Variants in EVA1C observed in about 807,000 individuals in gnomAD.
The protein encoded by EVA1C is eva-1 homolog C.
Under a neutral mutation model 45.4 loss-of-function variants are expected in EVA1C, and 25 were observed. The observed-to-expected ratio is 0.55, with a 90% CI of 0.40 to 0.77. The LOEUF (loss-of-function observed/expected upper bound fraction) is 0.77, where lower values mean the gene tolerates loss of function less well. EVA1C is among the 30% of genes least tolerant of loss of function. The probability of loss-of-function intolerance (pLI) is 0.00; values close to 1 mark genes in which losing one functional copy is unlikely to be tolerated. For synonymous variants in EVA1C, 190 were observed against 221.2 expected, an observed-to-expected ratio of 0.86 and a Z score of 1.25; for missense variants, 479 against 554.8, an observed-to-expected ratio of 0.86 and a Z score of 1.37.
chr21:32,515,310 C>T lies in EVA1C; in HGVS notation c.*120C>T, dbSNP rs1214892358. 33 of 1,116,786 alleles carry T rather than the reference C, an allele frequency of 3.0e-5. No individual in the cohort carries two copies. The South Asian group carries it at 3.9e-4, about 13-fold the overall frequency. The allele number at this position is 1,116,786 out of a possible 1,614,324, so 69.2% of individuals were successfully genotyped here. ...AGAATTCGTCATGTCATTCAACACT[C>T]GTGAGGCCAGGAAGCTATTAAAGGG... is the stretch of plus-strand genomic sequence containing the variant. On this transcript the variant is annotated 3_prime_UTR_variant, in exon 8 of 8. Coordinates refer to ENST00000300255, the MANE Select transcript of EVA1C (RefSeq NM_058187.5).
chr21:32,436,252 C>T (rs1242017704), intron 1 of EVA1C, among the ~76,000 whole-genome samples: 4 of 152,026 alleles, frequency 2.6e-5, no homozygotes, highest in African/African-American at 4.8e-5. Flanking sequence ...TTAATAGAGA[C>T]GGGGTTTCGC....
At position 32,469,008 on chromosome 21, in the gene EVA1C, G is replaced by A. The variant is rs374118471; in HGVS notation, c.634+1160G>A. Among the ~76,000 whole-genome samples, 138 of 152,290 alleles carry A rather than the reference G, an allele frequency of 9.1e-4. 2 individuals carry two copies. The South Asian group carries it at 0.025, about 28-fold the overall frequency. ...GGAAAGTCAAGGGCAGGGAGGAACC[G>A]CCACACCATGCACAGGCTCTTTCTC... On this transcript the variant is annotated intron_variant, in intron 4 of 7. Transcript: ENST00000300255.
chr21:32,499,440 C>G (rs1159583787), intron 5 of EVA1C, among the ~76,000 whole-genome samples: 2 of 152,192 alleles, frequency 1.3e-5, no homozygotes, highest in African/African-American at 2.4e-5. Context: ...CCACATCCAG[C>G]AACTTCACCG....
chr21:32,478,969 C>A (rs556482044), intron 4 of EVA1C, among the ~76,000 whole-genome samples: 8 of 152,234 alleles, frequency 5.3e-5, no homozygotes, highest in Admixed American at 5.2e-4. Context: ...GCCAAGACAG[C>A]GGCACTTAAG....
At chr21:32,457,977 T>G (rs1187965805) in intron 3 of EVA1C, among the ~76,000 whole-genome samples, 1 of 152,156 alleles carries the variant, frequency 6.6e-6, no homozygotes, top group African/African-American at 2.4e-5. Flanking sequence ...AAAAATCCTT[T>G]CCAATATGTA....
At chr21:32,502,952 T>C (rs866236772) in intron 6 of EVA1C, among the ~76,000 whole-genome samples, 1 of 151,960 alleles carries the variant, frequency 6.6e-6, no homozygotes, top group Non-Finnish European at 1.5e-5. Context: ...TCTAACAGGG[T>C]TCCCACCCGA....
chr21:32,441,134 T>TGACATACTGCTATATGAC (rs1227468910), intron 1 of EVA1C, among the ~76,000 whole-genome samples: 2 of 152,140 alleles, frequency 1.3e-5, no homozygotes, highest in African/African-American at 4.8e-5. Context: ...TCCTATATGA[T>TGACATACTGCTATATGAC]GACATACTGC....
At chr21:32,475,879 T>TTATCTATCTATCTATCTATC (rs10661334) in intron 4 of EVA1C, among the ~76,000 whole-genome samples, 32 of 100,536 alleles carry the variant, frequency 3.2e-4, no homozygotes, top group East Asian at 6.9e-4. Flanking sequence ...TCTAAAAACT[T>TTATCTATCTATCTATCTATC]TATCTATCTA....
At chr21:32,430,972 C>CAAAAAAAA (rs1038641892) in intron 1 of EVA1C, among the ~76,000 whole-genome samples, 1 of 103,104 alleles carries the variant, frequency 9.7e-6, no homozygotes, top group African/African-American at 5.4e-5. Flanking sequence ...GACTTGGTCT[C>CAAAAAAAA]AAAAAAAAAA....
rs9680226 is a variant in EVA1C at position 32,474,114 on chromosome 21, A to G, written c.634+6266A>G. Reference sequence around the variant, plus strand: ...GGCATGGTGGAGATGAAGTCTTGCTATTTTGCCCAGGCTGGTCTTCAACTC... The same window carrying G: ...GGCATGGTGGAGATGAAGTCTTGCTGTTTTGCCCAGGCTGGTCTTCAACTC... On this transcript the variant is annotated intron_variant, in intron 4 of 7. Transcript: ENST00000300255. The surrounding 1 kb of genome is among the most constrained non-coding windows in gnomAD (Gnocchi z 4.4). 83,818 of 238,826 alleles carry G rather than the reference A, an allele frequency of 0.35. 15,550 individuals are homozygous for G. Among genetic ancestry groups the G allele is most frequent in the East Asian group, 0.49 (2,702 of 5,470 alleles). 14.8% of individuals were successfully genotyped at this position (238,826 alleles called of 1,614,324 possible).
At chr21:32,457,844 G>A in intron 3 of EVA1C, 124 bp downstream of exon 3, 1 of 1,069,068 alleles carries the variant, frequency 9.4e-7, no homozygotes, top group South Asian at 1.5e-5. Context: ...AGACACATTG[G>A]GCTCCATCCT....
At chr21:32,425,844 C>G (rs552797779) in intron 1 of EVA1C, among the ~76,000 whole-genome samples, 1 of 152,190 alleles carries the variant, frequency 6.6e-6, no homozygotes, top group Non-Finnish European at 1.5e-5. Flanking sequence ...TCCAGGACAG[C>G]GCCCCCACAG....
At chr21:32,498,855 C>G (rs922350393) in intron 5 of EVA1C, among the ~76,000 whole-genome samples, 3 of 152,126 alleles carry the variant, frequency 2.0e-5, no homozygotes, top group African/African-American at 7.2e-5. Context: ...TGAAGTGGAG[C>G]AGGACGGTGA....
chr21:32,496,458 T>C (rs2037355438), intron 5 of EVA1C, among the ~76,000 whole-genome samples: 1 of 152,226 alleles, frequency 6.6e-6, no homozygotes, highest in Non-Finnish European at 1.5e-5. Flanking sequence ...ATAAATGTAT[T>C]ACCAAAATAA....
At chr21:32,494,929 A>C in intron 4 of EVA1C, 98 bp from the exon 5 acceptor site, 1 of 1,281,960 alleles carries the variant, frequency 7.8e-7, no homozygotes, top group Non-Finnish European at 1.1e-6. Context: ...TTTGATTTGA[A>C]TCCAGCTCAG....
intron 7 of EVA1C, among the ~76,000 whole-genome samples, chr21:32,507,873 G>A (rs950140553): frequency 6.6e-6 from 1 of 151,850 alleles, no homozygotes. Flanking sequence ...GTGCCGTCAT[G>A]TGTGTGCATG....
At chr21:32,438,747 G>C (rs994008968) in intron 1 of EVA1C, among the ~76,000 whole-genome samples, 4 of 152,150 alleles carry the variant, frequency 2.6e-5, no homozygotes, top group African/African-American at 9.7e-5. Flanking sequence ...GATTGTAGAT[G>C]CACCAATGAA....
At position 32,450,383 on chromosome 21, in the gene EVA1C, AT is replaced by A. The variant is rs3056328; in HGVS notation, c.161-2915del. 6.1e-3 allele frequency among the ~76,000 whole-genome samples: 886 copies of A among 145,456 alleles called. 5 individuals are homozygous for A. The highest frequency in any genetic ancestry group is 0.017 in the African/African-American group (654 of 39,580). On this transcript the variant is annotated intron_variant, in intron 1 of 7. Coordinates refer to ENST00000300255, the MANE Select transcript of EVA1C (RefSeq NM_058187.5). Reference sequence around the variant, plus strand: ...GGCTCTGCTTCTCTGGAGCCTTGTCATTTTTTTTTTTTTTCATCTAGCTACA... The same window carrying A: ...GGCTCTGCTTCTCTGGAGCCTTGTCATTTTTTTTTTTTTCATCTAGCTACA...
intron 3 of EVA1C, among the ~76,000 whole-genome samples, chr21:32,458,818 C>A (rs1487730227): frequency 1.3e-5 from 2 of 152,092 alleles, no homozygotes; most frequent in Non-Finnish European, 2.9e-5. Flanking sequence ...TGCCACCCAA[C>A]ACAACTGTTT....
Sources: allele counts gnomAD v4.1 joint callset (sites outside exome capture counted in the v4.1 genomes callset), GRCh38; gene constraint gnomAD v4.1.1; non-coding constraint Gnocchi (gnomAD v3.1); transcripts MANE v1.5; gene names NCBI Gene and HGNC (gene_info 2026-07-23, HGNC 2026-07-21).